CEP192: variants seen among roughly 807,000 people sequenced by gnomAD.
CEP192 encodes the protein centrosomal protein 192, also known as centrosomal protein of 192 kDa.
In CEP192, 151 loss-of-function variants were observed where a neutral mutation model predicts 271.8. The observed-to-expected ratio is 0.56, with a 90% confidence interval of 0.49 to 0.64. The LOEUF (loss-of-function observed/expected upper bound fraction) is 0.64. Among genes scored for constraint, CEP192 ranks in the 30% least tolerant of loss-of-function variants. CEP192 has a pLI of 0.00. For synonymous variants in CEP192, 995 were observed against 1,076.5 expected, an observed-to-expected ratio of 0.92 and a Z score of 1.48; for missense variants, 2,910 against 3,020.5, an observed-to-expected ratio of 0.96 and a Z score of 0.86.
chr18:13,025,050 G>A (rs2035215882), intron 9 of CEP192, among the ~76,000 whole-genome samples: 1 of 152,120 alleles, frequency 6.6e-6, no homozygotes, highest in Admixed American at 6.5e-5. Context: ...GGAATTACAG[G>A]CGTGACCCAC....
Position 13,049,315 on chromosome 18 carries a change from G to A in CEP192, c.2524G>A (p.Ala842Thr), listed in dbSNP as rs941543287. The A allele has an allele frequency of 3.1e-6, 5 of 1,613,996 alleles. No homozygotes were observed. The Admixed American group carries it at 5.0e-5, about 16-fold the overall frequency. Residue 842 changes from alanine (A) to threonine (T), a missense_variant, in exon 16 of 45, where the codon GCA becomes ACA. Physicochemically the swap from Ala to Thr is moderately conservative, Grantham distance 58. Coordinates refer to ENST00000506447, the MANE Select transcript of CEP192 (RefSeq NM_032142.4). ...TGTGAGGGCACCAGAAGAAAACACA[G>A]CAGCTATTGTTTATGTTGAAAATGG... ...VSVRAPEENT[A>T]AIVYVENGES...
chr18:13,030,064 C>A, intron 10 of CEP192, 62 bp downstream of exon 10: 2 of 1,232,128 alleles, frequency 1.6e-6, no homozygotes, highest in Non-Finnish European at 2.2e-6. Flanking sequence ...TTGAATAGGA[C>A]ATATTTTCAT....
At chr18:13,035,108 A>C (rs1269809020) in intron 11 of CEP192, among the ~76,000 whole-genome samples, 1 of 152,216 alleles carries the variant, frequency 6.6e-6, no homozygotes, top group African/African-American at 2.4e-5. Flanking sequence ...TAGACAAGAT[A>C]ACAGTGTTAA....
intron 36 of CEP192, among the ~76,000 whole-genome samples, chr18:13,097,868 A>G (rs1441987496): frequency 1.3e-5 from 2 of 152,120 alleles, no homozygotes; most frequent in Admixed American, 6.5e-5. Context: ...GCTGCCTTCA[A>G]GCATCTGTTT....
Position 13,087,285 on chromosome 18 carries a change from C to A in CEP192, c.5877+8C>A, listed in dbSNP as rs1243613397. On this transcript the variant is annotated splice_region_variant and intron_variant, in intron 31 of 44. Transcript: ENST00000506447. ...AAGGAAAGAACACAAGAAGTAAGTA[C>A]AAAAGTTTCTGTGCTAAAAACATCA... 1 of 1,581,534 alleles carries A rather than the reference C, an allele frequency of 6.3e-7. No homozygotes were observed. Among genetic ancestry groups the A allele is most frequent in the Non-Finnish European group, 8.6e-7 (1 of 1,159,222 alleles).
chr18:13,008,544 G>A lies in CEP192; in HGVS notation c.379G>A (p.Gly127Arg). 6.4e-7 allele frequency: 1 copy of A among 1,551,568 alleles called. No individual in the cohort carries two copies. The highest frequency in any genetic ancestry group is 8.7e-7 in the Non-Finnish European group (1 of 1,146,888). Residue 127 changes from glycine to arginine, a missense_variant, in exon 4 of 45, where the codon GGA becomes AGA. Coordinates refer to ENST00000506447, the MANE Select transcript of CEP192 (RefSeq NM_032142.4). ...GTCAGCTTTACAAATGGAGACAGCA[G>A]GACCAGAAGAGGAGCCAGCCGGAGC... ...KQSALQMETA[G>R]PEEEPAGATE...
At chr18:13,100,712 C>G (rs9956740) in intron 38 of CEP192, among the ~76,000 whole-genome samples, 200 bp downstream of exon 38, 530 of 152,322 alleles carry the variant, frequency 3.5e-3, no homozygotes, top group African/African-American at 0.012. Flanking sequence ...TTTACTAACT[C>G]TGTGTATTCC....
intron 3 of CEP192, among the ~76,000 whole-genome samples, chr18:13,007,081 A>C (rs2034029479): frequency 6.6e-6 from 1 of 151,866 alleles, no homozygotes; most frequent in Non-Finnish European, 1.5e-5. Flanking sequence ...TCCCTGGCAG[A>C]TTTGTTTCCT....
Position 13,039,453 on chromosome 18 carries a change from C to T in CEP192, c.1809+874C>T, listed in dbSNP as rs2036085706. Among the ~76,000 whole-genome samples the T allele has an allele frequency of 2.2e-4, 3 of 13,404 alleles. No homozygotes were observed. In the South Asian group the frequency reaches 0.013, roughly 57 times the overall value. The allele number at this position is 13,404 out of a possible 152,430, so 8.8% of individuals were successfully genotyped here. On this transcript the variant is annotated intron_variant, in intron 13 of 44. Coordinates refer to ENST00000506447, the MANE Select transcript of CEP192 (RefSeq NM_032142.4). ...CCTGGGCAACAGAGCGAGACTCCAT[C>T]TCAAAAAAAAAAAAAAAAGTGATTT...
intron 35 of CEP192, 124 bp downstream of exon 35, chr18:13,095,805 G>T: frequency 1.2e-6 from 1 of 843,924 alleles, no homozygotes; most frequent in Non-Finnish European, 1.8e-6. Context: ...ACTTGCCCAG[G>T]CCCTGCTTCC....
chr18:13,001,219 ACTCTCAGCT>A (rs2033622658), intron 2 of CEP192, among the ~76,000 whole-genome samples: 1 of 152,000 alleles, frequency 6.6e-6, no homozygotes, highest in Non-Finnish European at 1.5e-5. Flanking sequence ...TTGTATTAAC[ACTCTCAGCT>A]CTTTTAGCTT....
At chr18:13,078,235 A>T (rs1194477216) in intron 30 of CEP192, among the ~76,000 whole-genome samples, 3 of 152,110 alleles carry the variant, frequency 2.0e-5, no homozygotes, top group Admixed American at 2.0e-4. Flanking sequence ...TTCTAGCTTC[A>T]TCCATGTCCC....
chr18:13,000,091 C>CTCTCTTTTTTTTTTTTTT lies in CEP192; in HGVS notation c.164+504_164+505insCTCTTTTTTTTTTTTTTT, dbSNP rs1555698196. ...CTCTGTATAACTCATTGTCTTCTCT[C>CTCTCTTTTTTTTTTTTTT]TTTTTTTTTTTTTTTTTTTTTTTTT... is the stretch of plus-strand genomic sequence containing the variant. On this transcript the variant is annotated intron_variant, in intron 2 of 44. Transcript: ENST00000506447. Among the ~76,000 whole-genome samples, 10 of 76,756 alleles carry CTCTCTTTTTTTTTTTTTT rather than the reference C, an allele frequency of 1.3e-4. 3 individuals are homozygous for CTCTCTTTTTTTTTTTTTT. The highest frequency in any genetic ancestry group is 1.4e-4 in the Non-Finnish European group (5 of 36,538). 50.4% of individuals were successfully genotyped at this position (76,756 alleles called of 152,430 possible).
In CEP192 at chr18:13,055,874, C is replaced by T. The variant is rs768100487; in HGVS notation, c.3284C>T (p.Pro1095Leu). The T allele has an allele frequency of 6.2e-7, 1 of 1,613,508 alleles. No homozygotes were observed. Among genetic ancestry groups the T allele is most frequent in the Admixed American group, 1.7e-5 (1 of 59,880 alleles). Residue 1095 changes from proline (P) to leucine (L), a missense_variant, in exon 19 of 45, where the codon CCA (proline) becomes CTA (leucine). Coordinates refer to ENST00000506447, the MANE Select transcript of CEP192 (RefSeq NM_032142.4). The stretch of plus-strand genomic sequence containing the variant: ...ATGGAAAAATTGAGAGAAAAAGTTC[C>T]ATTTCAGAATAGAGGAAAAGGAACA... ...RAMEKLREKV[P>L]FQNRGKGTLS...
intron 40 of CEP192, among the ~76,000 whole-genome samples, chr18:13,111,730 C>G (rs1277187988): frequency 6.6e-6 from 1 of 152,114 alleles, no homozygotes; most frequent in African/African-American, 2.4e-5. Flanking sequence ...ATGTATTTGA[C>G]AAAGGACTTG....
chr18:12,997,657 T>C (rs573555122), intron 1 of CEP192, among the ~76,000 whole-genome samples: 8 of 152,272 alleles, frequency 5.3e-5, no homozygotes, highest in African/African-American at 1.9e-4. Flanking sequence ...TGGGTTTTCT[T>C]ACATAGAACT....
intron 39 of CEP192, 43 bp downstream of exon 39, chr18:13,103,631 A>G: frequency 7.0e-7 from 1 of 1,421,132 alleles, no homozygotes; most frequent in Non-Finnish European, 1.0e-6. Context: ...TAATGTTTAG[A>G]CTTTATCCAG....
At chr18:13,063,849 C>A (rs1246894790) in intron 21 of CEP192, among the ~76,000 whole-genome samples, 1 of 143,536 alleles carries the variant, frequency 7.0e-6, no homozygotes, top group Non-Finnish European at 1.5e-5. Flanking sequence ...GAAATGGAGT[C>A]TCGCTCTGTC....
intron 20 of CEP192, chr18:13,058,008 A>G (rs1046411487): frequency 5.0e-6 from 1 of 199,426 alleles, no homozygotes; most frequent in Non-Finnish European, 1.0e-5. Flanking sequence ...TTAAATCATC[A>G]AAAGTTCTGA....
Sources: gnomAD v4.1 joint callset for allele counts (sites outside exome capture counted in the v4.1 genomes callset) on GRCh38, gnomAD v4.1.1 for gene constraint, MANE v1.5 for transcripts, NCBI Gene and HGNC (gene_info 2026-07-23, HGNC 2026-07-21) for gene names.